CDKL2: variants seen among roughly 807,000 people sequenced by gnomAD.
CDKL2 encodes the protein cyclin-dependent kinase-like 2.
CDKL2 carries 64 observed loss-of-function variants against 63.9 expected under a neutral mutation model. The ratio of observed to expected loss-of-function variants is 1.00; its 90% CI spans 0.82 to 1.23. The LOEUF is 1.23. Ranked by LOEUF, CDKL2 falls within the 50% of genes most tolerant of loss-of-function variation. The probability of loss-of-function intolerance (pLI) is 0.00; values close to 1 mark genes in which losing one functional copy is unlikely to be tolerated. For missense variants in CDKL2, 656 were observed against 668.0 expected (o/e 0.98, Z 0.20); for synonymous variants, 211 against 229.2 (o/e 0.92, Z 0.72).
chr4:75,598,029 T>TA (rs778563667), intron 8 of CDKL2, 48 bp downstream of exon 8: 10 of 1,219,618 alleles, frequency 8.2e-6, no homozygotes, highest in Non-Finnish European at 9.9e-6. Flanking sequence ...TCAAAAAATT[T>TA]AAAAAAATAA....
chr4:75,600,493 T>A (rs1729138840), intron 6 of CDKL2, 124 bp from the exon 7 acceptor site: 1 of 655,828 alleles, frequency 1.5e-6, no homozygotes. Context: ...GGTCTCACTC[T>A]GTTGCCCAGG....
intron 4 of CDKL2, among the ~76,000 whole-genome samples, chr4:75,606,114 A>G (rs1329436550): frequency 1.3e-5 from 2 of 152,136 alleles, no homozygotes; most frequent in Non-Finnish European, 2.9e-5. Context: ...TGACCAATCT[A>G]TGCTATGCCA....
intron 2 of CDKL2, among the ~76,000 whole-genome samples, chr4:75,622,529 G>A (rs886686021): frequency 6.6e-6 from 1 of 151,626 alleles, no homozygotes; most frequent in Admixed American, 6.6e-5. Flanking sequence ...GACCAGCCTG[G>A]CCGACATGGT....
Position 75,596,981 on chromosome 4 carries a change from T to TG in CDKL2, c.1275dup (p.Ile426HisfsTer2). On this transcript the variant is annotated frameshift_variant, in exon 9 of 14. Coordinates refer to ENST00000307465, the MANE Select transcript of CDKL2 (RefSeq NM_001330724.2). LOFTEE classifies it high-confidence loss of function. ...GTCTCAGTCCCCATTCCAGAATTAA[T>TG]GCTGGGAGCAACTGCAGAAAGATTG... 6.2e-7 allele frequency: 1 copy of TG among 1,614,218 alleles called. No individual in the cohort carries two copies. Among genetic ancestry groups the TG allele is most frequent in the East Asian group, 2.2e-5 (1 of 44,894 alleles).
intron 2 of CDKL2, among the ~76,000 whole-genome samples, chr4:75,615,810 T>C (rs1355494402): frequency 6.6e-6 from 1 of 151,556 alleles, no homozygotes; most frequent in Non-Finnish European, 1.5e-5. Flanking sequence ...CTGGGCATGG[T>C]GAGACCCCAT....
chr4:75,624,569 G>A (rs1447767384), intron 2 of CDKL2, among the ~76,000 whole-genome samples: 5 of 151,504 alleles, frequency 3.3e-5, no homozygotes, highest in African/African-American at 7.3e-5. Context: ...AAAATGAAAC[G>A]ACCGGGTGTG....
intron 1 of CDKL2, among the ~76,000 whole-genome samples, chr4:75,626,467 C>G (rs542295575): frequency 6.6e-6 from 1 of 152,078 alleles, no homozygotes; most frequent in Non-Finnish European, 1.5e-5. Flanking sequence ...GAGATTGAGA[C>G]CATCCTGGCT....
In CDKL2 at chr4:75,581,838, G is replaced by C; in HGVS notation, c.1708C>G (p.His570Asp). 6.2e-7 allele frequency: 1 copy of C among 1,610,606 alleles called. No individual in the cohort carries two copies. The highest frequency in any genetic ancestry group is 8.5e-7 in the Non-Finnish European group (1 of 1,177,328). The change falls in exon 13 of 14, where the codon CAC (histidine) becomes GAC (aspartate). Residue 570 changes from histidine to aspartate, a missense_variant. By Grantham distance (81) the His-to-Asp change is moderately conservative. Transcript: ENST00000307465. The part of the protein sequence containing the change: ...GADLPQMEHQ[H>D] The stretch of plus-strand genomic sequence containing the variant: ...GTTCAGAACCAAAATGGTTCTCAGT[G>C]CTGGTGTTCCATTTGAGGCAAATCA...
In CDKL2 at chr4:75,605,082, G is replaced by C. The variant is rs1032044240; in HGVS notation, c.655+440C>G. ...TTAAAACACACACGTGGCTGGGCGC[G>C]GTGGCTCACGCCTGTAATCCTAGCA... On this transcript the variant is annotated intron_variant, in intron 5 of 13. Transcript: ENST00000307465. Among the ~76,000 whole-genome samples the C allele has an allele frequency of 7.9e-5, 12 of 152,060 alleles. No individual in the cohort carries two copies. The East Asian group carries it at 2.1e-3, about 27-fold the overall frequency.
chr4:75,600,211 A>G (rs966755035), intron 7 of CDKL2, 70 bp downstream of exon 7: 4 of 955,152 alleles, frequency 4.2e-6, no homozygotes, highest in African/African-American at 1.6e-5. Context: ...GAGAAGTGCT[A>G]TTTGTGACTA....
chr4:75,622,715 C>CAAAAAAAAAAAAAAAA (rs1171964321), intron 2 of CDKL2, among the ~76,000 whole-genome samples: 2 of 13,956 alleles, frequency 1.4e-4, no homozygotes, highest in African/African-American at 2.6e-4. Flanking sequence ...AAGACTCCAT[C>CAAAAAAAAAAAAAAAA]AAAAAAAAAA....
At chr4:75,624,287 C>T (rs565773177) in intron 2 of CDKL2, among the ~76,000 whole-genome samples, 1 of 152,114 alleles carries the variant, frequency 6.6e-6, no homozygotes, top group East Asian at 1.9e-4. Context: ...TGTGGTGGCT[C>T]ACACCTATAA....
intron 3 of CDKL2, 117 bp from the exon 4 acceptor site, chr4:75,607,478 G>C (rs564174931): frequency 2.7e-6 from 2 of 743,772 alleles, no homozygotes; most frequent in African/African-American, 1.7e-5. Flanking sequence ...AGCATAGAAA[G>C]TTGCTCCTAG....
intron 10 of CDKL2, among the ~76,000 whole-genome samples, chr4:75,595,424 A>G (rs1728872477): frequency 6.6e-6 from 1 of 152,064 alleles, no homozygotes; most frequent in Non-Finnish European, 1.5e-5. Flanking sequence ...TATGTTGCTC[A>G]AGCTTGTCTC....
intron 2 of CDKL2, among the ~76,000 whole-genome samples, chr4:75,618,341 G>A (rs1334078972): frequency 1.7e-5 from 2 of 115,272 alleles, no homozygotes; most frequent in African/African-American, 3.3e-5. Context: ...AACCTCCTCC[G>A]CCTGCCAGGT....
At chr4:75,621,881 G>GTAAT (rs934279532) in intron 2 of CDKL2, among the ~76,000 whole-genome samples, 9 of 152,102 alleles carry the variant, frequency 5.9e-5, no homozygotes, top group African/African-American at 1.2e-4. Context: ...AATAGAAAGG[G>GTAAT]TAATATTAGG....
chr4:75,626,971 A>G lies in CDKL2; in HGVS notation c.-29-954T>C, dbSNP rs150829475. On this transcript the variant is annotated intron_variant, in intron 1 of 13. Transcript: ENST00000307465. ...GTAATCCCAGCACTTTAGAAGGCGG[A>G]GGCGGGCAGATCACCTGAGGTCAGG... 4.2e-4 allele frequency among the ~76,000 whole-genome samples: 64 copies of G among 152,112 alleles called. No individual in the cohort carries two copies. In the East Asian group the frequency reaches 0.011, roughly 26 times the overall value.
intron 7 of CDKL2, among the ~76,000 whole-genome samples, chr4:75,598,845 G>C (rs1729054607): frequency 1.3e-5 from 2 of 152,054 alleles, no homozygotes; most frequent in African/African-American, 4.8e-5. Context: ...GAAAAACTAT[G>C]GTTATTAAGA....
chr4:75,624,748 C>T (rs1332584570), intron 2 of CDKL2, among the ~76,000 whole-genome samples: 1 of 151,564 alleles, frequency 6.6e-6, no homozygotes, highest in Non-Finnish European at 1.5e-5. Context: ...GTCCCAGCTG[C>T]TTGGGAGGCT....
Sources: allele counts gnomAD v4.1 joint callset (sites outside exome capture counted in the v4.1 genomes callset), GRCh38; gene constraint gnomAD v4.1.1; transcripts MANE v1.5; gene names NCBI Gene and HGNC (gene_info 2026-07-23, HGNC 2026-07-21).